NEK7: variants seen among roughly 807,000 people sequenced by gnomAD.
NEK7 encodes the protein NIMA related kinase 7, also known as serine/threonine-protein kinase Nek7.
A neutral mutation model predicts 44.6 loss-of-function variants in NEK7; 18 were observed. The observed-to-expected ratio is 0.40, with a 90% confidence interval of 0.28 to 0.60. The LOEUF (loss-of-function observed/expected upper bound fraction) is 0.60, where lower values mean the gene tolerates loss of function less well. NEK7 is among the 20% of genes least tolerant of loss of function. The probability of loss-of-function intolerance (pLI) is 0.38; values close to 1 mark genes in which losing one functional copy is unlikely to be tolerated. For missense variants in NEK7, 256 were observed against 366.5 expected, an observed-to-expected ratio of 0.70 and a Z score of 2.46; for synonymous variants, 130 against 121.1, an observed-to-expected ratio of 1.07 and a Z score of -0.48.
intron 5 of NEK7, among the ~76,000 whole-genome samples, chr1:198,270,369 C>G (rs1653797262): frequency 6.6e-6 from 1 of 151,822 alleles, no homozygotes; most frequent in Non-Finnish European, 1.5e-5. Flanking sequence ...AGCAATAAAA[C>G]AAAATGTAAC....
At chr1:198,271,905 T>TTTATATATA (rs751259588) in intron 5 of NEK7, among the ~76,000 whole-genome samples, 3 of 141,396 alleles carry the variant, frequency 2.1e-5, no homozygotes, top group Non-Finnish European at 3.1e-5. Context: ...AATTTATATT[T>TTTATATATA]TATATATATA....
chr1:198,225,194 A>T lies in NEK7; in HGVS notation c.-28-7359A>T, dbSNP rs530365871. On this transcript the variant is annotated intron_variant, in intron 1 of 9. Transcript: ENST00000367385. ...CCCATCTCTACAAAAAATAAAAATT[A>T]AAAAATTATAAAAAAATTTAAAGGA... Among the ~76,000 whole-genome samples, 5 of 151,938 alleles carry T rather than the reference A, an allele frequency of 3.3e-5. No individual in the cohort carries two copies. The South Asian group carries it at 1.0e-3, about 32-fold the overall frequency.
At chr1:198,285,670 C>T (rs1235671157) in intron 7 of NEK7, among the ~76,000 whole-genome samples, 1 of 151,956 alleles carries the variant, frequency 6.6e-6, no homozygotes, top group Non-Finnish European at 1.5e-5. Flanking sequence ...AAACAGATCT[C>T]ATGGCAATGA....
At chr1:198,300,174 C>T (rs138831987) in intron 9 of NEK7, among the ~76,000 whole-genome samples, 4 of 152,222 alleles carry the variant, frequency 2.6e-5, no homozygotes, top group Admixed American at 6.5e-5. Context: ...TAGCAAGAGT[C>T]CTGGGTTGAA....
intron 1 of NEK7, among the ~76,000 whole-genome samples, chr1:198,216,348 A>G (rs1336497096): frequency 1.3e-5 from 2 of 152,132 alleles, no homozygotes; most frequent in Non-Finnish European, 2.9e-5. Flanking sequence ...GTTAACCATG[A>G]GATCAAGATG....
intron 8 of NEK7, among the ~76,000 whole-genome samples, chr1:198,296,768 T>C (rs1363616006): frequency 6.6e-6 from 1 of 152,236 alleles, no homozygotes; most frequent in Non-Finnish European, 1.5e-5. Flanking sequence ...CTACACCTTG[T>C]GATGACTGTT....
chr1:198,193,277 T>C, intron 1 of NEK7, among the ~76,000 whole-genome samples: 1 of 152,020 alleles, frequency 6.6e-6, no homozygotes, highest in East Asian at 1.9e-4. Context: ...AATCCCTAAA[T>C]AGACCAATAA....
At chr1:198,249,460 C>T (rs1272380026) in intron 2 of NEK7, among the ~76,000 whole-genome samples, 2 of 151,784 alleles carry the variant, frequency 1.3e-5, no homozygotes, top group Non-Finnish European at 2.9e-5. Flanking sequence ...CCTGAGGAAT[C>T]GCCACACTGA....
At chr1:198,254,058 A>G (rs72731916) in intron 3 of NEK7, among the ~76,000 whole-genome samples, 6,637 of 152,152 alleles carry the variant, frequency 0.044, 228 homozygotes, top group Middle Eastern at 0.065. Flanking sequence ...GATACCTGTG[A>G]AATCTAAATG....
At chr1:198,270,963 A>T (rs1253937599) in intron 5 of NEK7, among the ~76,000 whole-genome samples, 1 of 151,806 alleles carries the variant, frequency 6.6e-6, no homozygotes, top group East Asian at 1.9e-4. Flanking sequence ...TTTTTGGGGG[A>T]ATTCAGTTCC....
At chr1:198,182,193 G>A (rs1664788643) in intron 1 of NEK7, among the ~76,000 whole-genome samples, 1 of 152,122 alleles carries the variant, frequency 6.6e-6, no homozygotes, top group African/African-American at 2.4e-5. Flanking sequence ...GTAAATCCAA[G>A]AAGAATTAGA....
chr1:198,262,000 C>T (rs1653490591), intron 3 of NEK7, among the ~76,000 whole-genome samples: 1 of 151,790 alleles, frequency 6.6e-6, no homozygotes, highest in African/African-American at 2.4e-5. Context: ...CCAATTTTCA[C>T]CCCCTTGGAA....
intron 1 of NEK7, among the ~76,000 whole-genome samples, chr1:198,178,990 AC>A (rs147339253): frequency 0.1 from 14,898 of 144,978 alleles, 1,088 homozygotes; most frequent in African/African-American, 0.22. Context: ...ACCATTTGAT[AC>A]CCCCCCCCTT....
At chr1:198,211,387 C>G (rs757072378) in intron 1 of NEK7, among the ~76,000 whole-genome samples, 39 of 152,290 alleles carry the variant, frequency 2.6e-4, no homozygotes, top group Admixed American at 4.6e-4. Flanking sequence ...ACCCTATACA[C>G]AATTCTCTTT....
intron 2 of NEK7, among the ~76,000 whole-genome samples, chr1:198,233,590 G>T (rs1023656265): frequency 4.6e-5 from 7 of 152,108 alleles, no homozygotes; most frequent in Non-Finnish European, 8.8e-5. Flanking sequence ...TTTCACAAGA[G>T]TTCTATAGTC....
chr1:198,318,163 G>A (rs1236692799), intron 9 of NEK7, among the ~76,000 whole-genome samples: 1 of 152,070 alleles, frequency 6.6e-6, no homozygotes. Flanking sequence ...ATTAGGATGA[G>A]AACAGCCCTT....
At chr1:198,256,087 T>A (rs1653254282) in intron 3 of NEK7, among the ~76,000 whole-genome samples, 2 of 152,212 alleles carry the variant, frequency 1.3e-5, no homozygotes, top group African/African-American at 2.4e-5. Flanking sequence ...AAGGCTATAT[T>A]ACTTGTCTCA....
At chr1:198,284,793 A>G (rs964920322) in intron 7 of NEK7, among the ~76,000 whole-genome samples, 17 of 152,196 alleles carry the variant, frequency 1.1e-4, no homozygotes, top group Admixed American at 1.1e-3. Context: ...TTCCAAATAT[A>G]TACTATTTCT....
At chr1:198,163,843 A>G (rs970139301) in intron 1 of NEK7, among the ~76,000 whole-genome samples, 2 of 152,378 alleles carry the variant, frequency 1.3e-5, no homozygotes, top group African/African-American at 2.4e-5. Flanking sequence ...TTCAAAATGC[A>G]TTTAAAATAA....
Sources: allele counts gnomAD v4.1 joint callset (sites outside exome capture counted in the v4.1 genomes callset), GRCh38; gene constraint gnomAD v4.1.1; transcripts MANE v1.5; gene names NCBI Gene and HGNC (gene_info 2026-07-23, HGNC 2026-07-21).